The following TRPC4AP variants were observed in gnomAD, a reference collection of about 807,000 sequenced individuals.
TRPC4AP encodes the protein transient receptor potential cation channel subfamily C member 4 associated protein.
TRPC4AP carries 45 observed loss-of-function variants against 99.0 expected under a neutral mutation model. The ratio of observed to expected loss-of-function variants is 0.45; its 90% CI spans 0.36 to 0.58. The LOEUF is 0.58. TRPC4AP is among the 20% of genes least tolerant of loss of function. The probability of loss-of-function intolerance (pLI) is 0.00; values close to 1 mark genes in which losing one functional copy is unlikely to be tolerated. For missense variants in TRPC4AP, 879 were observed against 985.3 expected (o/e 0.89, Z 1.44); for synonymous variants, 408 against 385.8 (o/e 1.06, Z -0.67).
intron 12 of TRPC4AP, 32 bp downstream of exon 12, chr20:35,010,155 G>A (rs779217381): frequency 5.6e-6 from 9 of 1,602,650 alleles, no homozygotes; most frequent in Non-Finnish European, 7.7e-6. Context: ...AGCCGGGATG[G>A]GCTGAGGGAA....
intron 6 of TRPC4AP, among the ~76,000 whole-genome samples, chr20:35,045,115 C>T (rs954461936): frequency 6.6e-6 from 1 of 152,086 alleles, no homozygotes; most frequent in African/African-American, 2.4e-5. Flanking sequence ...AGCTAAAGGC[C>T]TCTGTGTATC....
At chr20:35,075,771 G>A (rs1386202321) in intron 2 of TRPC4AP, among the ~76,000 whole-genome samples, 13 of 152,100 alleles carry the variant, frequency 8.5e-5, no homozygotes, top group African/African-American at 1.2e-4. Flanking sequence ...TCTTTGTGGC[G>A]TTCTCTGTAT....
chr20:35,057,532 G>C lies in TRPC4AP; in HGVS notation c.454C>G (p.Arg152Gly). Reference sequence around the variant, plus strand: ...TACTTACTTTTCAGTTTCTGTCCCCGGATAGAGATCGTAGGCCTCATAAGA... The same window carrying C: ...TACTTACTTTTCAGTTTCTGTCCCCCGATAGAGATCGTAGGCCTCATAAGA... ...EILMRPTISI[R>G]GQKLKISDEM... Residue 152 changes from arginine to glycine, a missense_variant, in exon 4 of 19, where the codon CGG becomes GGG. Physicochemically the swap from Arg to Gly is moderately radical, Grantham distance 125 (BLOSUM62 -2). Around this residue, in one of 3 missense-constraint regions of TRPC4AP, gnomAD observed 603 missense variants for 631.8 expected, o/e 0.95. Transcript: ENST00000252015. 1 of 1,612,014 alleles carries C rather than the reference G, an allele frequency of 6.2e-7. No individual in the cohort carries two copies. Among genetic ancestry groups the C allele is most frequent in the Non-Finnish European group, 8.5e-7 (1 of 1,178,762 alleles).
intron 2 of TRPC4AP, 74 bp downstream of exon 2, chr20:35,077,972 G>GA (rs200883608): frequency 0.025 from 30,740 of 1,209,376 alleles, 12 homozygotes; most frequent in South Asian, 0.03. Flanking sequence ...CAACGGAAGG[G>GA]AAAAAAAAAA....
At chr20:35,047,607 C>G (rs1278131751) in intron 6 of TRPC4AP, among the ~76,000 whole-genome samples, 1 of 152,184 alleles carries the variant, frequency 6.6e-6, no homozygotes, top group African/African-American at 2.4e-5. Context: ...GAAGTTTTTG[C>G]TGGGGCAGTG....
chr20:35,050,747 C>A (rs962993559), intron 5 of TRPC4AP, among the ~76,000 whole-genome samples: 1 of 150,394 alleles, frequency 6.6e-6, no homozygotes, highest in Admixed American at 6.6e-5. Context: ...CCAACAACAA[C>A]AAAAAAACAA....
chr20:35,052,367 T>C (rs2083725842), intron 5 of TRPC4AP, among the ~76,000 whole-genome samples: 1 of 152,168 alleles, frequency 6.6e-6, no homozygotes, highest in South Asian at 2.1e-4. Context: ...GTGTTGAGAT[T>C]ATAGGTGTGA....
chr20:35,055,131 C>G, intron 4 of TRPC4AP, 100 bp from the exon 5 acceptor site: 1 of 1,015,870 alleles, frequency 9.8e-7, no homozygotes, highest in Non-Finnish European at 1.5e-6. Flanking sequence ...TAATCCCCTC[C>G]AAGATGATTA....
chr20:35,086,540 T>TGC (rs2084881287), intron 1 of TRPC4AP, among the ~76,000 whole-genome samples: 1 of 70,886 alleles, frequency 1.4e-5, no homozygotes, highest in African/African-American at 8.8e-5. Flanking sequence ...TGTGTGTGTG[T>TGC]GTGTGTGTGT....
intron 2 of TRPC4AP, among the ~76,000 whole-genome samples, chr20:35,071,180 A>G (rs2084304705): frequency 6.6e-6 from 1 of 152,200 alleles, no homozygotes; most frequent in Non-Finnish European, 1.5e-5. Context: ...AAAATAACTT[A>G]CTATGTGATA....
intron 3 of TRPC4AP, among the ~76,000 whole-genome samples, chr20:35,059,665 G>GA (rs1555912424): frequency 5.4e-4 from 65 of 120,776 alleles, no homozygotes; most frequent in African/African-American, 1.8e-3. Context: ...CTCTTTAAAA[G>GA]AAAAAAAAGA....
chr20:35,029,628 CTTTTT>C (rs35372826), intron 8 of TRPC4AP, among the ~76,000 whole-genome samples: 7 of 39,370 alleles, frequency 1.8e-4, no homozygotes, highest in Admixed American at 4.5e-4. Flanking sequence ...AAGTTACTTT[CTTTTT>C]TTTTTTTTTT....
At chr20:35,022,107 C>G (rs192568807) in intron 8 of TRPC4AP, among the ~76,000 whole-genome samples, 1 of 150,600 alleles carries the variant, frequency 6.6e-6, no homozygotes, top group African/African-American at 2.5e-5. Flanking sequence ...TGAATGGGAA[C>G]GTAAGAGAAG....
At chr20:35,053,560 C>T (rs1326515236) in intron 5 of TRPC4AP, among the ~76,000 whole-genome samples, 1 of 152,128 alleles carries the variant, frequency 6.6e-6, no homozygotes, top group Non-Finnish European at 1.5e-5. Flanking sequence ...TTATAGATCT[C>T]CCTGTGCCTA....
chr20:35,042,514 C>A (rs1054224690), intron 7 of TRPC4AP, among the ~76,000 whole-genome samples: 1 of 152,138 alleles, frequency 6.6e-6, no homozygotes, highest in Non-Finnish European at 1.5e-5. Context: ...TTAGGGCTAC[C>A]TCTGCATGGT....
chr20:35,013,918 G>A (rs1332534621), intron 10 of TRPC4AP, among the ~76,000 whole-genome samples: 1 of 152,230 alleles, frequency 6.6e-6, no homozygotes, highest in Admixed American at 6.5e-5. Context: ...CCTCCCAAGA[G>A]CAGCAGAAAC....
At chr20:35,062,638 TAA>T (rs1263922438) in intron 3 of TRPC4AP, among the ~76,000 whole-genome samples, 1 of 152,150 alleles carries the variant, frequency 6.6e-6, no homozygotes, top group Non-Finnish European at 1.5e-5. Flanking sequence ...ATTAAATCTA[TAA>T]AGACAGAAAG....
intron 6 of TRPC4AP, 98 bp downstream of exon 6, chr20:35,049,768 C>T: frequency 7.4e-7 from 1 of 1,359,120 alleles, no homozygotes; most frequent in Non-Finnish European, 9.9e-7. Flanking sequence ...CATAATTTAA[C>T]ACTTTCTTTT....
intron 1 of TRPC4AP, among the ~76,000 whole-genome samples, chr20:35,081,873 T>C (rs1271551563): frequency 6.6e-6 from 1 of 152,076 alleles, no homozygotes; most frequent in African/African-American, 2.4e-5. Flanking sequence ...TAATCCCAGT[T>C]ACTCGAGAGG....
Sources: allele counts gnomAD v4.1 joint callset (sites outside exome capture counted in the v4.1 genomes callset), GRCh38; gene constraint gnomAD v4.1.1; regional missense constraint gnomAD v4.1.1; transcripts MANE v1.5; gene names NCBI Gene and HGNC (gene_info 2026-07-23, HGNC 2026-07-21).